SLC25A29: variants seen among roughly 807,000 people sequenced by gnomAD.
The protein encoded by SLC25A29 is mitochondrial basic amino acids transporter.
A neutral mutation model predicts 10.0 loss-of-function variants in SLC25A29; 13 were observed. That is an observed-to-expected ratio of 1.30 (90% CI 0.85 to 2.07). SLC25A29 has a LOEUF of 2.07. Ranked by LOEUF, SLC25A29 falls within the 30% of genes most tolerant of loss-of-function variation. SLC25A29 has a pLI of 0.00. For missense variants in SLC25A29, 475 were observed against 447.6 expected, an observed-to-expected ratio of 1.06 and a Z score of -0.55; for synonymous variants, 244 against 221.1, an observed-to-expected ratio of 1.10 and a Z score of -0.92.
At chr14:100,285,815 C>G in the SLC25A29 span, among the ~76,000 whole-genome samples, 4 of 152,220 alleles carry the variant, frequency 2.6e-5, no homozygotes, top group Middle Eastern at 3.4e-3. Flanking sequence ...GACGCCCCCC[C>G]TTCCCCCCGG....
chr14:100,293,608 G>A (rs1891936063), intron 2 of SLC25A29: 1 of 563,434 alleles, frequency 1.8e-6, no homozygotes. Context: ...AGGGTAGGGG[G>A]TCCCCAAGAT....
chr14:100,298,709 G>T, intron 2 of SLC25A29, 133 bp downstream of exon 2: 1 of 1,152,408 alleles, frequency 8.7e-7, no homozygotes, highest in Non-Finnish European at 1.3e-6. Context: ...AGTGAGGAAG[G>T]TTCAACCCGG....
intron 1 of SLC25A29, among the ~76,000 whole-genome samples, chr14:100,301,139 C>G (rs1256185275): frequency 6.6e-6 from 1 of 151,878 alleles, no homozygotes; most frequent in African/African-American, 2.4e-5. Flanking sequence ...GACCTTGTGG[C>G]CCGCCCACTT....
At chr14:100,305,870 A>C in intron 1 of SLC25A29, 11 of 284,588 alleles carry the variant, frequency 3.9e-5, no homozygotes, top group Non-Finnish European at 5.2e-5. Context: ...GGGGAGGGGA[A>C]GGAGATGAGC....
At position 100,306,364 on chromosome 14, in the gene SLC25A29, C is replaced by T. The variant is rs1003249132; in HGVS notation, c.-132G>A. On this transcript the variant is annotated 5_prime_UTR_variant, in exon 1 of 4. Transcript: ENST00000359232. ...CTGGCCGCTCCTCCTGGCGCGGAGC[C>T]CGGGCAGGCGCGGTCAGGGATGGTG... 102 of 932,226 alleles carry T rather than the reference C, an allele frequency of 1.1e-4. No individual in the cohort carries two copies. The highest frequency in any genetic ancestry group is 1.3e-4 in the Non-Finnish European group (96 of 717,432). 57.7% of individuals were successfully genotyped at this position (932,226 alleles called of 1,614,324 possible).
rs1260369801 is a variant in SLC25A29 at position 100,292,643 on chromosome 14, G to A, written c.552C>T (p.Gly184=). The A allele has an allele frequency of 1.3e-6, 2 of 1,594,392 alleles. No homozygotes were observed. Among genetic ancestry groups the A allele is most frequent in the South Asian group, 1.1e-5 (1 of 88,590 alleles). The change falls in exon 4 of 4, where the codon GGC becomes GGT. Residue 184 remains glycine, a synonymous_variant. Coordinates refer to ENST00000359232, the MANE Select transcript of SLC25A29 (RefSeq NM_001039355.3). ...GCAGCTTGGGCACCAGCAGGCGGTCGCCCGGCTCGCAGCCCAGCGCCCGCG... is the reference window on the plus strand; with the variant it reads ...GCAGCTTGGGCACCAGCAGGCGGTCACCCGGCTCGCAGCCCAGCGCCCGCG... The part of the protein sequence containing the change: ...ALTRALGCEP[G]DRLLVPKLLL...
At chr14:100,287,628 A>ACCCCCCCCCCCCCCCAGCCCCCC (rs1171229559), downstream of SLC25A29, among the ~76,000 whole-genome samples, 1 of 62,172 alleles carries the variant, frequency 1.6e-5, no homozygotes, top group Non-Finnish European at 3.2e-5. Flanking sequence ...CTGGAGCACC[A>ACCCCCCCCCCCCCCCAGCCCCCC]CCCCCCCCCT....
chr14:100,294,133 C>T (rs1207280851), intron 2 of SLC25A29: 3 of 152,208 alleles, frequency 2.0e-5, no homozygotes, highest in Admixed American at 1.3e-4. Context: ...AAAATAAAAG[C>T]AATGACCTTG....
intron 1 of SLC25A29, chr14:100,305,011 T>A (rs780529983): frequency 6.6e-6 from 1 of 152,002 alleles, no homozygotes; most frequent in Non-Finnish European, 1.5e-5. Context: ...AAGGTGAGAA[T>A]GGAATCCGCA....
chr14:100,293,592 G>A (rs956880817), intron 2 of SLC25A29: 14 of 577,694 alleles, frequency 2.4e-5, no homozygotes, highest in African/African-American at 1.9e-4. Flanking sequence ...ACAGGCTGCT[G>A]GAGACAGGGT....
At chr14:100,302,206 C>T (rs376289711) in intron 1 of SLC25A29, among the ~76,000 whole-genome samples, 12 of 152,150 alleles carry the variant, frequency 7.9e-5, no homozygotes, top group Middle Eastern at 3.4e-3. Context: ...CCACCACACC[C>T]GGCTAATTTT....
At position 100,292,821 on chromosome 14, in the gene SLC25A29, G is replaced by T; in HGVS notation, c.374C>A (p.Ala125Glu). The T allele has an allele frequency of 6.3e-7, 1 of 1,590,320 alleles. No individual in the cohort carries two copies. The highest frequency in any genetic ancestry group is 8.5e-7 in the Non-Finnish European group (1 of 1,170,616). The change falls in exon 4 of 4, where the codon GCG becomes GAG. Residue 125 changes from alanine to glutamate, a missense_variant. Coordinates refer to ENST00000359232, the MANE Select transcript of SLC25A29 (RefSeq NM_001039355.3). Reference protein sequence around the residue: ...LAKTRLQLQDAGPARTYKGSL... With the variant: ...LAKTRLQLQDEGPARTYKGSL... ...GCCCTTGTAGGTGCGCGCTGGGCCC[G>T]CGTCCTGCAGCTGCAGCCGCGTCTT...
At chr14:100,303,147 C>G (rs1282362233) in intron 1 of SLC25A29, among the ~76,000 whole-genome samples, 1 of 152,246 alleles carries the variant, frequency 6.6e-6, no homozygotes, top group African/African-American at 2.4e-5. Flanking sequence ...GAAATCCATC[C>G]TCTTTTCCAC....
At chr14:100,303,298 G>C (rs1892682386) in intron 1 of SLC25A29, among the ~76,000 whole-genome samples, 1 of 152,334 alleles carries the variant, frequency 6.6e-6, no homozygotes, top group East Asian at 1.9e-4. Flanking sequence ...CTCCAGCAGG[G>C]GGCCCCTCGA....
At chr14:100,299,901 G>A in intron 1 of SLC25A29, 1 of 985,426 alleles carries the variant, frequency 1.0e-6, no homozygotes, top group Non-Finnish European at 1.2e-6. Context: ...TCTTCCACTT[G>A]ATGCCTGTGG....
At chr14:100,301,610 C>T (rs953335681) in intron 1 of SLC25A29, among the ~76,000 whole-genome samples, 5 of 151,818 alleles carry the variant, frequency 3.3e-5, no homozygotes, top group East Asian at 2.0e-4. Context: ...CCCAGGTTCA[C>T]GCCATTCTCC....
the SLC25A29 span, among the ~76,000 whole-genome samples, chr14:100,285,001 T>C: frequency 7.8e-6 from 1 of 127,878 alleles, no homozygotes; most frequent in Non-Finnish European, 1.6e-5. Flanking sequence ...ATCGCGCCAC[T>C]GCACTCTAGC....
downstream of SLC25A29, among the ~76,000 whole-genome samples, chr14:100,288,488 G>A (rs890203379): frequency 6.6e-6 from 1 of 151,706 alleles, no homozygotes; most frequent in Non-Finnish European, 1.5e-5. Context: ...CACTTAGGAG[G>A]ATCTGCCACT....
downstream of SLC25A29, among the ~76,000 whole-genome samples, chr14:100,286,470 T>TGGG (rs397961103): frequency 1.9e-3 from 156 of 80,298 alleles, no homozygotes; most frequent in African/African-American, 7.1e-3. Context: ...AGAGCATGGC[T>TGGG]GGGGGGGGGG....
Sources: allele counts gnomAD v4.1 joint callset (sites outside exome capture counted in the v4.1 genomes callset), GRCh38; gene constraint gnomAD v4.1.1; transcripts MANE v1.5; gene names NCBI Gene and HGNC (gene_info 2026-07-23, HGNC 2026-07-21).